Variants in AOPEP observed in about 807,000 individuals in gnomAD.
AOPEP encodes the protein aminopeptidase O (putative).
In AOPEP, 77 loss-of-function variants were observed where a neutral mutation model predicts 98.1. The ratio of observed to expected loss-of-function variants is 0.78; its 90% confidence interval spans 0.65 to 0.95. The LOEUF (loss-of-function observed/expected upper bound fraction) is 0.95. AOPEP is among the 40% of genes least tolerant of loss of function. The probability of loss-of-function intolerance (pLI) is 0.00; values close to 1 mark genes in which losing one functional copy is unlikely to be tolerated. For missense variants in AOPEP, 1,024 were observed against 1,024.7 expected, an observed-to-expected ratio of 1.00 and a Z score of 0.01; for synonymous variants, 346 against 365.3, an observed-to-expected ratio of 0.95 and a Z score of 0.60.
At chr9:94,790,320 T>C (rs2133395900) in intron 3 of AOPEP, among the ~76,000 whole-genome samples, 1 of 151,922 alleles carries the variant, frequency 6.6e-6, no homozygotes, top group East Asian at 1.9e-4. Context: ...GCACGTGCCA[T>C]CACACCTGGC....
intron 5 of AOPEP, among the ~76,000 whole-genome samples, chr9:94,807,976 C>T (rs1849603991): frequency 1.3e-5 from 2 of 152,150 alleles, no homozygotes; most frequent in East Asian, 1.9e-4. Context: ...TGAGAAATTG[C>T]CTTGTCTCTA....
chr9:94,774,073 A>G (rs1175184769), intron 3 of AOPEP, among the ~76,000 whole-genome samples: 1 of 152,088 alleles, frequency 6.6e-6, no homozygotes, highest in South Asian at 2.1e-4. Context: ...TTTTATAGTT[A>G]TATTATTTCT....
chr9:94,904,859 C>T (rs1308014128), intron 5 of AOPEP: 2 of 152,088 alleles, frequency 1.3e-5, no homozygotes, highest in African/African-American at 4.8e-5. Flanking sequence ...ATAATACAGC[C>T]CTGTTTAATA....
At chr9:94,758,385 G>A (rs932720323) in intron 1 of AOPEP, among the ~76,000 whole-genome samples, 1 of 152,208 alleles carries the variant, frequency 6.6e-6, no homozygotes, top group Admixed American at 6.5e-5. Context: ...ATTTTTTAAG[G>A]TTAGGTGAGA....
intron 14 of AOPEP, among the ~76,000 whole-genome samples, chr9:95,063,300 T>C (rs1428388110): frequency 6.6e-6 from 1 of 152,270 alleles, no homozygotes; most frequent in Non-Finnish European, 1.5e-5. Flanking sequence ...TTAGCAGGTC[T>C]CTTAAGCTGT....
At chr9:95,070,796 C>T (rs1201388735) in intron 14 of AOPEP, among the ~76,000 whole-genome samples, 1 of 152,234 alleles carries the variant, frequency 6.6e-6, no homozygotes, top group East Asian at 1.9e-4. Context: ...ACACTGGGAG[C>T]TGATCTCTGG....
At chr9:94,809,053 CAT>C (rs1849896855) in intron 5 of AOPEP, among the ~76,000 whole-genome samples, 1 of 152,210 alleles carries the variant, frequency 6.6e-6, no homozygotes, top group Admixed American at 6.5e-5. Context: ...ACTCGACAAA[CAT>C]GTATCAACGG....
At chr9:95,079,235 C>G (rs2069439881) in intron 14 of AOPEP, among the ~76,000 whole-genome samples, 1 of 152,238 alleles carries the variant, frequency 6.6e-6, no homozygotes, top group Admixed American at 6.5e-5. Context: ...TCAATCTTAA[C>G]TGTTTGCATG....
At chr9:94,928,212 GC>G (rs2054673329) in intron 6 of AOPEP, among the ~76,000 whole-genome samples, 1 of 152,044 alleles carries the variant, frequency 6.6e-6, no homozygotes, top group African/African-American at 2.4e-5. Flanking sequence ...AGCAGGCCCA[GC>G]TCCACGGCCA....
chr9:94,779,442 G>A (rs957352030), intron 3 of AOPEP, among the ~76,000 whole-genome samples: 4 of 152,210 alleles, frequency 2.6e-5, no homozygotes, highest in African/African-American at 9.6e-5. Context: ...CCAAACTTGA[G>A]CATTATTCTT....
chr9:94,792,642 C>T (rs1845991121), intron 3 of AOPEP, 123 bp from the exon 4 acceptor site: 3 of 923,728 alleles, frequency 3.2e-6, no homozygotes, highest in East Asian at 5.1e-5. Context: ...CGTGACCGAC[C>T]TCCAAGAGTT....
chr9:94,962,200 T>C (rs1184827697), intron 9 of AOPEP, among the ~76,000 whole-genome samples: 1 of 152,214 alleles, frequency 6.6e-6, no homozygotes, highest in Non-Finnish European at 1.5e-5. Context: ...TTAATATTGT[T>C]CCTCCAATTT....
At chr9:94,787,396 C>G (rs1170253043) in intron 3 of AOPEP, among the ~76,000 whole-genome samples, 1 of 152,330 alleles carries the variant, frequency 6.6e-6, no homozygotes, top group East Asian at 1.9e-4. Flanking sequence ...ACAAATACCT[C>G]TACTCCATTA....
At chr9:95,094,477 C>T in the AOPEP span, among the ~76,000 whole-genome samples, 9 of 152,260 alleles carry the variant, frequency 5.9e-5, no homozygotes, top group South Asian at 4.2e-4. Context: ...ATTCAACACT[C>T]GTGCCCCACT....
Position 94,955,994 on chromosome 9 carries a change from T to C in AOPEP, c.1851T>C (p.His617=), listed in dbSNP as rs1402806593. 1.5e-5 allele frequency: 24 copies of C among 1,612,306 alleles called. No homozygotes were observed. Among genetic ancestry groups the C allele is most frequent in the Non-Finnish European group, 1.8e-5 (21 of 1,178,590 alleles). The part of the protein sequence containing the change: ...SFLRKFVHTF[H]GQLILSQDFL... ...TAAGAAAATTTGTGCACACATTTCA[T>C]GGACAGCTGATTCTTTCCCAGGTAA... is the stretch of plus-strand genomic sequence containing the variant. Residue 617 remains histidine (H), a synonymous_variant, in exon 9 of 17, where the codon CAT becomes CAC. Transcript: ENST00000375315.
In AOPEP at chr9:94,792,937, G is replaced by T; in HGVS notation, c.1118+19G>T. ...ACTTCAGGTTTGTGTTTGGGGACTT[G>T]CTGGGAAGGAAAAAAAAAAAAACAC... On this transcript the variant is annotated intron_variant, in intron 4 of 16. Transcript: ENST00000375315. 1 of 1,555,606 alleles carries T rather than the reference G, an allele frequency of 6.4e-7. No individual in the cohort carries two copies. Among genetic ancestry groups the T allele is most frequent in the Non-Finnish European group, 8.7e-7 (1 of 1,151,576 alleles).
At chr9:94,758,750 G>T (rs1837597842) in intron 1 of AOPEP, among the ~76,000 whole-genome samples, 1 of 152,142 alleles carries the variant, frequency 6.6e-6, no homozygotes, top group Non-Finnish European at 1.5e-5. Flanking sequence ...AAGAAACTAG[G>T]TACACAACGG....
intron 13 of AOPEP, among the ~76,000 whole-genome samples, chr9:95,013,662 G>A (rs2062747832): frequency 6.6e-6 from 1 of 152,092 alleles, no homozygotes; most frequent in African/African-American, 2.4e-5. Context: ...TTTTCTAGTA[G>A]AATTCTCAGG....
At chr9:94,750,625 C>T (rs986085086) in intron 1 of AOPEP, among the ~76,000 whole-genome samples, 44 of 152,216 alleles carry the variant, frequency 2.9e-4, no homozygotes, top group Non-Finnish European at 4.7e-4. Flanking sequence ...GTTCAGGTTT[C>T]AATCTGAGTT....
Sources: gnomAD v4.1 joint callset for allele counts (sites outside exome capture counted in the v4.1 genomes callset) on GRCh38, gnomAD v4.1.1 for gene constraint, MANE v1.5 for transcripts, NCBI Gene and HGNC (gene_info 2026-07-23, HGNC 2026-07-21) for gene names.